DOK6: variants seen among roughly 807,000 people sequenced by gnomAD.
The protein encoded by DOK6 is docking protein 6.
Under a neutral mutation model 44.0 loss-of-function variants are expected in DOK6, and 22 were observed. The ratio of observed to expected loss-of-function variants is 0.50; its 90% CI spans 0.36 to 0.71. The LOEUF (loss-of-function observed/expected upper bound fraction) is 0.71. DOK6 is among the 30% of genes least tolerant of loss of function. The pLI, the probability that DOK6 is intolerant of heterozygous loss-of-function variation, is 0.00. For synonymous variants in DOK6, 166 were observed against 145.5 expected (o/e 1.14, Z -1.01); for missense variants, 340 against 416.4 (o/e 0.82, Z 1.60).
chr18:69,631,978 A>G (rs1010285637), intron 3 of DOK6, among the ~76,000 whole-genome samples: 6 of 152,210 alleles, frequency 3.9e-5, no homozygotes, highest in African/African-American at 1.4e-4. Context: ...TGTATGCCTT[A>G]AGCGTTCAAA....
At chr18:69,487,072 G>A (rs185171831) in intron 1 of DOK6, among the ~76,000 whole-genome samples, 1 of 152,176 alleles carries the variant, frequency 6.6e-6, no homozygotes, top group East Asian at 1.9e-4. Context: ...AGAAAGAGGG[G>A]AAAGGAGGAG....
chr18:69,480,346 A>G (rs1431922367), intron 1 of DOK6, among the ~76,000 whole-genome samples: 1 of 152,142 alleles, frequency 6.6e-6, no homozygotes, highest in Non-Finnish European at 1.5e-5. Context: ...TTTTGATATG[A>G]TAAAATGAGT....
chr18:69,600,306 T>A (rs1232521785), intron 3 of DOK6, among the ~76,000 whole-genome samples: 1 of 152,226 alleles, frequency 6.6e-6, no homozygotes, highest in Non-Finnish European at 1.5e-5. Flanking sequence ...ATTCTAAAAC[T>A]GATAATATCC....
intron 7 of DOK6, among the ~76,000 whole-genome samples, chr18:69,772,092 C>T (rs1461065655): frequency 6.6e-6 from 1 of 151,248 alleles, no homozygotes; most frequent in Non-Finnish European, 1.5e-5. Context: ...ATCACATGAG[C>T]ACTGGAGTTC....
intron 5 of DOK6, among the ~76,000 whole-genome samples, chr18:69,702,290 A>C (rs1986540586): frequency 6.6e-6 from 1 of 152,110 alleles, no homozygotes. Flanking sequence ...GTTGGTGCAA[A>C]GTTTATCTAC....
At chr18:69,433,642 C>T (rs938856389) in intron 1 of DOK6, among the ~76,000 whole-genome samples, 5 of 151,766 alleles carry the variant, frequency 3.3e-5, no homozygotes, top group African/African-American at 1.2e-4. Flanking sequence ...AGAAGCTTTG[C>T]ACTGTCTGTG....
chr18:69,745,029 T>C (rs1978940830), intron 6 of DOK6, among the ~76,000 whole-genome samples: 1 of 150,956 alleles, frequency 6.6e-6, no homozygotes. Context: ...GAGAAAGCAA[T>C]GTGTAATTTA....
chr18:69,582,875 CTA>C (rs72499720), intron 2 of DOK6, among the ~76,000 whole-genome samples: 2,989 of 152,232 alleles, frequency 0.02, 107 homozygotes, highest in African/African-American at 0.069. Flanking sequence ...ATTCGCATTT[CTA>C]TGTGTCCATT....
chr18:69,699,830 G>A (rs1027800402), intron 5 of DOK6, among the ~76,000 whole-genome samples: 1 of 152,018 alleles, frequency 6.6e-6, no homozygotes, highest in African/African-American at 2.4e-5. Context: ...CTTTAAAAAG[G>A]TAGTATATTA....
intron 5 of DOK6, among the ~76,000 whole-genome samples, chr18:69,715,573 C>T (rs1389204874): frequency 6.6e-6 from 1 of 152,178 alleles, no homozygotes. Context: ...GCATTGTTAA[C>T]CACAGGCCTG....
At chr18:69,471,692 A>G (rs1170670897) in intron 1 of DOK6, 3 of 151,640 alleles carry the variant, frequency 2.0e-5, no homozygotes, top group Admixed American at 2.0e-4. Flanking sequence ...TGCTCTGGTG[A>G]TATTACAGCT....
chr18:69,431,001 A>C (rs1306517782), intron 1 of DOK6, among the ~76,000 whole-genome samples: 1 of 152,018 alleles, frequency 6.6e-6, no homozygotes, highest in Non-Finnish European at 1.5e-5. Flanking sequence ...TCCCATGTCA[A>C]TTTTCCTAGC....
intron 7 of DOK6, chr18:69,831,269 T>C (rs1280141169): frequency 6.6e-6 from 1 of 152,246 alleles, no homozygotes; most frequent in Non-Finnish European, 1.5e-5. Flanking sequence ...ATTCCTCCTC[T>C]TTCTGTTCTA....
chr18:69,812,554 T>C (rs1272487561), intron 7 of DOK6, among the ~76,000 whole-genome samples: 1 of 152,128 alleles, frequency 6.6e-6, no homozygotes, highest in East Asian at 1.9e-4. Flanking sequence ...TACCAGAACC[T>C]ACCTCTTGAG....
chr18:69,705,790 T>C (rs1986619229), intron 5 of DOK6, among the ~76,000 whole-genome samples: 1 of 152,220 alleles, frequency 6.6e-6, no homozygotes, highest in African/African-American at 2.4e-5. Flanking sequence ...CCTCTTTCTT[T>C]TTAGTACCAT....
At chr18:69,439,523 A>G (rs138055778) in intron 1 of DOK6, among the ~76,000 whole-genome samples, 31 of 152,342 alleles carry the variant, frequency 2.0e-4, no homozygotes, top group African/African-American at 7.2e-4. Context: ...ACCTTCATCA[A>G]TGATCTTAGC....
At chr18:69,539,931 G>A (rs937473117) in intron 1 of DOK6, among the ~76,000 whole-genome samples, 26 of 152,104 alleles carry the variant, frequency 1.7e-4, no homozygotes, top group Admixed American at 6.6e-4. Context: ...TGCATGGCTG[G>A]GGAGACCTCA....
At chr18:69,649,914 T>C (rs535033390) in intron 3 of DOK6, among the ~76,000 whole-genome samples, 2 of 152,294 alleles carry the variant, frequency 1.3e-5, no homozygotes, top group East Asian at 3.9e-4. Flanking sequence ...GCAATAATCA[T>C]GATTTTTTAA....
chr18:69,429,616 G>GATATATATAT (rs1978740354), intron 1 of DOK6, among the ~76,000 whole-genome samples: 2 of 78,146 alleles, frequency 2.6e-5, no homozygotes, highest in Non-Finnish European at 5.5e-5. Flanking sequence ...AATATTGAGG[G>GATATATATAT]ATACATATAT....
Sources: gnomAD v4.1 joint callset for allele counts (sites outside exome capture counted in the v4.1 genomes callset) on GRCh38, gnomAD v4.1.1 for gene constraint, MANE v1.5 for transcripts, NCBI Gene and HGNC (gene_info 2026-07-23, HGNC 2026-07-21) for gene names.